KATNIP: variants seen among roughly 807,000 people sequenced by gnomAD.
KATNIP encodes katanin-interacting protein.
A neutral mutation model predicts 174.0 loss-of-function variants in KATNIP; 126 were observed. The ratio of observed to expected loss-of-function variants is 0.72; its 90% CI spans 0.63 to 0.84. KATNIP has a LOEUF of 0.84. Among genes scored for constraint, KATNIP ranks in the 40% least tolerant of loss-of-function variants. The pLI is 0.00. For synonymous variants in KATNIP, 810 were observed against 835.7 expected (o/e 0.97, Z 0.53); for missense variants, 1,958 against 2,109.7 (o/e 0.93, Z 1.41).
intron 15 of KATNIP, among the ~76,000 whole-genome samples, chr16:27,746,703 G>C (rs1312814530): frequency 6.6e-6 from 1 of 152,224 alleles, no homozygotes; most frequent in East Asian, 1.9e-4. Context: ...GAGCACTCCT[G>C]GCAGGGGTGC....
intron 16 of KATNIP, 103 bp from the exon 17 acceptor site, chr16:27,751,616 G>A (rs1435528048): frequency 3.9e-6 from 4 of 1,034,908 alleles, no homozygotes; most frequent in Admixed American, 3.7e-5. Flanking sequence ...AGTTAAGGGT[G>A]TGGGGTTGTA....
chr16:27,699,140 G>T (rs183211202), intron 9 of KATNIP, among the ~76,000 whole-genome samples: 2 of 152,190 alleles, frequency 1.3e-5, no homozygotes, highest in Non-Finnish European at 2.9e-5. Context: ...TTGTCCCCCC[G>T]ATGCTCAGAG....
rs376317844 is a variant in KATNIP at position 27,550,213 on chromosome 16, G to A, written c.7+36G>A. ...GTGGGCCCCTCCGGGAGGTCGGGCT[G>A]TTATTCTCCCATCCCTCCCGACCGC... On this transcript the variant is annotated intron_variant, in intron 1 of 27. Transcript: ENST00000261588. The A allele has an allele frequency of 1.4e-4, 230 of 1,601,430 alleles. No individual in the cohort carries two copies. In the Middle Eastern group the frequency reaches 3.0e-3, roughly 21 times the overall value.
At chr16:27,689,062 C>T (rs796259587) in intron 8 of KATNIP, among the ~76,000 whole-genome samples, 16 of 152,318 alleles carry the variant, frequency 1.1e-4, no homozygotes, top group African/African-American at 3.8e-4. Context: ...ACCATAGGTG[C>T]TGTGAAGATC....
intron 14 of KATNIP, 103 bp from the exon 15 acceptor site, chr16:27,739,938 C>A: frequency 7.8e-7 from 1 of 1,282,806 alleles, no homozygotes; most frequent in Non-Finnish European, 1.1e-6. Context: ...GCATTTCTAG[C>A]ATTTCACATT....
intron 24 of KATNIP, among the ~76,000 whole-genome samples, chr16:27,775,466 A>G (rs1464103479): frequency 1.3e-5 from 2 of 152,034 alleles, no homozygotes; most frequent in Non-Finnish European, 2.9e-5. Flanking sequence ...CCGCACACTC[A>G]CGGTTTCTGC....
At chr16:27,738,749 T>C (rs1597341041) in intron 14 of KATNIP, among the ~76,000 whole-genome samples, 1 of 152,202 alleles carries the variant, frequency 6.6e-6, no homozygotes, top group African/African-American at 2.4e-5. Context: ...CTTGAGGCAG[T>C]GGTCCTCACA....
intron 9 of KATNIP, 22 bp downstream of exon 9, chr16:27,698,522 G>A: frequency 1.9e-6 from 3 of 1,588,880 alleles, no homozygotes; most frequent in Non-Finnish European, 2.6e-6. Context: ...GCTGGGAGAG[G>A]AACCGGGGGA....
rs80151013 is a variant in KATNIP, at chr16:27,770,067, C to G, written c.4133+49C>G. On this transcript the variant is annotated intron_variant, in intron 21 of 27. Transcript: ENST00000261588. ...CACAGCCCCTCCCGGCCCCTGGGCC[C>G]GCTTGCTTTGCAAGTTGCTCTGATG... The G allele has an allele frequency of 2.1e-3, 3,263 of 1,591,280 alleles. 70 individuals carry two copies. The African/African-American group carries it at 0.039, about 19-fold the overall frequency.
At chr16:27,672,125 A>G (rs1013837076) in intron 6 of KATNIP, among the ~76,000 whole-genome samples, 1 of 152,146 alleles carries the variant, frequency 6.6e-6, no homozygotes, top group African/African-American at 2.4e-5. Context: ...AGCACCCTTC[A>G]GCAGCTTCTC....
At chr16:27,754,332 G>T (rs1294615104) in intron 18 of KATNIP, 81 bp downstream of exon 18, 3 of 1,203,770 alleles carry the variant, frequency 2.5e-6, no homozygotes, top group Non-Finnish European at 3.7e-6. Context: ...TTGGGACAGG[G>T]TTTCGCTGGA....
rs141608266 is a variant in KATNIP, at chr16:27,572,284, C to T, written c.8-1617C>T. On this transcript the variant is annotated intron_variant, in intron 1 of 27. Transcript: ENST00000261588. Reference sequence around the variant, plus strand: ...AAATTTTTTTTTTTTAAAGAACACCCTGTATTACAGTGGTACATTATGCTG... The same window carrying T: ...AAATTTTTTTTTTTTAAAGAACACCTTGTATTACAGTGGTACATTATGCTG... Among the ~76,000 whole-genome samples, 47 of 151,572 alleles carry T rather than the reference C, an allele frequency of 3.1e-4. 1 individual carries two copies. The highest frequency in any genetic ancestry group is 8.7e-4 in the African/African-American group (36 of 41,318).
At chr16:27,577,690 C>CAAATG (rs928435265) in intron 2 of KATNIP, among the ~76,000 whole-genome samples, 4 of 151,850 alleles carry the variant, frequency 2.6e-5, no homozygotes, top group African/African-American at 7.3e-5. Flanking sequence ...AGACTTGTCT[C>CAAATG]AAATGAAATG....
intron 13 of KATNIP, among the ~76,000 whole-genome samples, chr16:27,716,894 G>C (rs1485521852): frequency 1.3e-5 from 2 of 152,018 alleles, no homozygotes; most frequent in East Asian, 1.9e-4. Context: ...GCCCAGGCTG[G>C]TGTGCGGTGG....
intron 14 of KATNIP, among the ~76,000 whole-genome samples, chr16:27,726,808 G>A (rs2080468962): frequency 6.6e-6 from 1 of 152,210 alleles, no homozygotes. Flanking sequence ...GGGCACAGCA[G>A]GAGCAAAGGC....
At chr16:27,555,063 G>A (rs1001461598) in intron 1 of KATNIP, among the ~76,000 whole-genome samples, 2 of 152,012 alleles carry the variant, frequency 1.3e-5, no homozygotes, top group Non-Finnish European at 2.9e-5. Flanking sequence ...CTCCCAAAGT[G>A]CTGGGATTAT....
At chr16:27,670,565 A>G (rs561907844) in intron 6 of KATNIP, among the ~76,000 whole-genome samples, 9 of 152,244 alleles carry the variant, frequency 5.9e-5, no homozygotes, top group Admixed American at 5.2e-4. Context: ...TTGGCTGGAT[A>G]CTTTATTCTC....
At chr16:27,691,490 G>A (rs1009036828) in intron 8 of KATNIP, among the ~76,000 whole-genome samples, 2 of 152,214 alleles carry the variant, frequency 1.3e-5, no homozygotes, top group Non-Finnish European at 2.9e-5. Flanking sequence ...CCATCATGGG[G>A]TATTCAGGCT....
intron 6 of KATNIP, among the ~76,000 whole-genome samples, chr16:27,665,085 A>G (rs1262588373): frequency 1.3e-5 from 2 of 149,768 alleles, no homozygotes; most frequent in Non-Finnish European, 3.0e-5. Context: ...TACTGTTATT[A>G]TCATTCTCTT....
Sources: gnomAD v4.1 joint callset for allele counts (sites outside exome capture counted in the v4.1 genomes callset) on GRCh38, gnomAD v4.1.1 for gene constraint, MANE v1.5 for transcripts, NCBI Gene and HGNC (gene_info 2026-07-23, HGNC 2026-07-21) for gene names.